The following STXBP5 variants were observed in gnomAD, a reference collection of about 807,000 sequenced individuals.
The protein encoded by STXBP5 is syntaxin binding protein 5, also known as syntaxin-binding protein 5.
A neutral mutation model predicts 152.4 loss-of-function variants in STXBP5; 50 were observed. That is an observed-to-expected ratio of 0.33 (90% CI 0.26 to 0.42). The LOEUF (loss-of-function observed/expected upper bound fraction) is 0.42. Ranked by LOEUF, STXBP5 falls within the 10% of genes least tolerant of loss-of-function variation. The pLI, the probability that STXBP5 is intolerant of heterozygous loss-of-function variation, is 1.00. For synonymous variants in STXBP5, 492 were observed against 494.7 expected, an observed-to-expected ratio of 0.99 and a Z score of 0.07; for missense variants, 1,167 against 1,388.6, an observed-to-expected ratio of 0.84 and a Z score of 2.54.
intron 7 of STXBP5, among the ~76,000 whole-genome samples, chr6:147,273,550 A>G (rs1780285653): frequency 6.6e-6 from 1 of 152,138 alleles, no homozygotes; most frequent in Non-Finnish European, 1.5e-5. Context: ...TTCCTGGTAG[A>G]TTGAGAAGCA....
At chr6:147,222,834 G>A (rs1777525954) in intron 2 of STXBP5, among the ~76,000 whole-genome samples, 1 of 152,196 alleles carries the variant, frequency 6.6e-6, no homozygotes, top group South Asian at 2.1e-4. Flanking sequence ...CTCTATGACT[G>A]GGTTCCCCTG....
chr6:147,349,100 G>A (rs1448238134), intron 21 of STXBP5, among the ~76,000 whole-genome samples: 1 of 151,946 alleles, frequency 6.6e-6, no homozygotes, highest in Non-Finnish European at 1.5e-5. Context: ...AATATAATCT[G>A]ATATAGCCCT....
At chr6:147,380,173 TACACACAC>T (rs58343558) in intron 26 of STXBP5, among the ~76,000 whole-genome samples, 59,642 of 143,014 alleles carry the variant, frequency 0.42, 12,800 homozygotes, top group Non-Finnish European at 0.49. Flanking sequence ...AATAGCCACG[TACACACAC>T]ACACACACAC....
chr6:147,303,377 A>G (rs1262288832), intron 9 of STXBP5, among the ~76,000 whole-genome samples: 4 of 152,242 alleles, frequency 2.6e-5, no homozygotes, highest in Middle Eastern at 3.4e-3. Flanking sequence ...GAAGAAGGAC[A>G]TATTTGCTGC....
At chr6:147,242,578 A>G (rs1475881084) in intron 4 of STXBP5, among the ~76,000 whole-genome samples, 1 of 152,096 alleles carries the variant, frequency 6.6e-6, no homozygotes, top group African/African-American at 2.4e-5. Context: ...TTTATACTAC[A>G]TTTTTACTGT....
chr6:147,228,833 T>C (rs761620001), intron 2 of STXBP5, among the ~76,000 whole-genome samples: 16 of 152,108 alleles, frequency 1.1e-4, no homozygotes, highest in Non-Finnish European at 1.9e-4. Flanking sequence ...TTTTAGGAAT[T>C]AATGTAGATT....
At chr6:147,275,710 A>G (rs1279164369) in intron 7 of STXBP5, among the ~76,000 whole-genome samples, 3 of 150,830 alleles carry the variant, frequency 2.0e-5, no homozygotes, top group East Asian at 2.0e-4. Context: ...GGTACCCACC[A>G]CACGCCTGGC....
chr6:147,241,362 T>C lies in STXBP5; in HGVS notation c.431+2092T>C, dbSNP rs150965715. 4.2e-3 allele frequency among the ~76,000 whole-genome samples: 642 copies of C among 152,322 alleles called. 4 individuals are homozygous for C. Among genetic ancestry groups the C allele is most frequent in the South Asian group, 0.013 (63 of 4,830 alleles). Reference sequence around the variant, plus strand: ...GAACAATTCTATGTATTTTGACAAATGCGTAATGTCATGTATCTACCATTA... The same window carrying C: ...GAACAATTCTATGTATTTTGACAAACGCGTAATGTCATGTATCTACCATTA... On this transcript the variant is annotated intron_variant, in intron 4 of 27. Coordinates refer to ENST00000321680, the MANE Select transcript of STXBP5 (RefSeq NM_001127715.4).
chr6:147,356,676 T>A (rs1032483594), intron 22 of STXBP5, among the ~76,000 whole-genome samples: 1 of 152,118 alleles, frequency 6.6e-6, no homozygotes, highest in African/African-American at 2.4e-5. Context: ...CTACCTATAA[T>A]CAAAGTTATG....
At chr6:147,345,653 G>A (rs1378984727) in intron 21 of STXBP5, among the ~76,000 whole-genome samples, 1 of 151,844 alleles carries the variant, frequency 6.6e-6, no homozygotes, top group Non-Finnish European at 1.5e-5. Context: ...TTACCTTTAC[G>A]TTATTTTTTA....
At chr6:147,289,374 T>C (rs989752379) in intron 8 of STXBP5, among the ~76,000 whole-genome samples, 1 of 152,186 alleles carries the variant, frequency 6.6e-6, no homozygotes, top group African/African-American at 2.4e-5. Context: ...AGAAAAGCTG[T>C]TGAGATTCTA....
intron 4 of STXBP5, among the ~76,000 whole-genome samples, chr6:147,239,652 A>G (rs567385694): frequency 3.1e-4 from 47 of 152,304 alleles, no homozygotes; most frequent in Middle Eastern, 3.4e-3. Flanking sequence ...AATCATTTTC[A>G]TAACTACATA....
intron 26 of STXBP5, among the ~76,000 whole-genome samples, chr6:147,378,317 G>A (rs1202931596): frequency 6.7e-6 from 1 of 150,306 alleles, no homozygotes; most frequent in African/African-American, 2.4e-5. Context: ...AAAATCTGAA[G>A]TGAAATATTA....
intron 21 of STXBP5, 76 bp from the exon 22 acceptor site, chr6:147,353,247 T>A: frequency 1.1e-6 from 1 of 912,958 alleles, no homozygotes; most frequent in Admixed American, 2.8e-5. Flanking sequence ...AGTATTCACT[T>A]CTATCTTGAA....
At chr6:147,309,909 T>C (rs140154752) in intron 9 of STXBP5, among the ~76,000 whole-genome samples, 175 bp from the exon 10 acceptor site, 2 of 152,278 alleles carry the variant, frequency 1.3e-5, no homozygotes, top group African/African-American at 4.8e-5. Flanking sequence ...TTTCAGCAAT[T>C]CACTTGGGTC....
At chr6:147,357,724 A>G (rs549704532) in intron 22 of STXBP5, among the ~76,000 whole-genome samples, 4 of 152,262 alleles carry the variant, frequency 2.6e-5, no homozygotes, top group Admixed American at 2.0e-4. Flanking sequence ...GCATGCCATC[A>G]GATGTATAGG....
At chr6:147,311,746 G>T (rs1782387846) in intron 11 of STXBP5, among the ~76,000 whole-genome samples, 1 of 151,956 alleles carries the variant, frequency 6.6e-6, no homozygotes, top group African/African-American at 2.4e-5. Context: ...ATTTGTTGTA[G>T]TTCTGAAATT....
rs544388280 is a variant in STXBP5 at position 147,264,079 on chromosome 6, T to C, written c.630+1726T>C. Among the ~76,000 whole-genome samples the C allele has an allele frequency of 1.3e-4, 20 of 150,858 alleles. No homozygotes were observed. In the East Asian group the frequency reaches 3.9e-3, roughly 29 times the overall value. On this transcript the variant is annotated intron_variant, in intron 6 of 27. Transcript: ENST00000321680. ...TAATGAGGATGGAGTAAATAAGTTATATATATATATAAAATTTAAAAAATA... is the reference window on the plus strand; with the variant it reads ...TAATGAGGATGGAGTAAATAAGTTACATATATATATAAAATTTAAAAAATA...
intron 4 of STXBP5, among the ~76,000 whole-genome samples, chr6:147,246,723 G>A (rs1778827256): frequency 6.6e-6 from 1 of 151,912 alleles, no homozygotes; most frequent in African/African-American, 2.4e-5. Context: ...GTAATGAAAG[G>A]GAAGGAAAAT....
Sources: allele counts gnomAD v4.1 joint callset (sites outside exome capture counted in the v4.1 genomes callset), GRCh38; gene constraint gnomAD v4.1.1; transcripts MANE v1.5; gene names NCBI Gene and HGNC (gene_info 2026-07-23, HGNC 2026-07-21).